Variants in NCKAP5 observed in about 807,000 individuals in gnomAD.
NCKAP5 encodes nck-associated protein 5.
Under a neutral mutation model 167.0 loss-of-function variants are expected in NCKAP5, and 92 were observed. The ratio of observed to expected loss-of-function variants is 0.55; its 90% CI spans 0.47 to 0.66. NCKAP5 has a LOEUF of 0.66. Ranked by LOEUF, NCKAP5 falls within the 30% of genes least tolerant of loss-of-function variation. The pLI is 0.00. For synonymous variants in NCKAP5, 891 were observed against 877.4 expected, an observed-to-expected ratio of 1.02 and a Z score of -0.27; for missense variants, 2,378 against 2,315.0, an observed-to-expected ratio of 1.03 and a Z score of -0.56.
At chr2:133,266,762 C>T (rs1331773946) in intron 4 of NCKAP5, among the ~76,000 whole-genome samples, 3 of 152,214 alleles carry the variant, frequency 2.0e-5, no homozygotes, top group Non-Finnish European at 4.4e-5. Flanking sequence ...CTGCCAGTGT[C>T]CCCGAGCCCT....
the NCKAP5 span, among the ~76,000 whole-genome samples, chr2:133,654,686 T>C: frequency 3.9e-5 from 6 of 152,198 alleles, no homozygotes; most frequent in Admixed American, 2.0e-4. Context: ...CCTCGCACAA[T>C]ACCAGCCACG....
At chr2:133,632,974 G>T in the NCKAP5 span, among the ~76,000 whole-genome samples, 4 of 152,168 alleles carry the variant, frequency 2.6e-5, no homozygotes, top group Non-Finnish European at 4.4e-5. Flanking sequence ...TGGACACACC[G>T]GTAGCTTGGC....
At chr2:133,413,354 C>T (rs1688895316) in intron 3 of NCKAP5, among the ~76,000 whole-genome samples, 1 of 152,202 alleles carries the variant, frequency 6.6e-6, no homozygotes, top group African/African-American at 2.4e-5. Context: ...GTAATGCACA[C>T]AGATTGCAAA....
chr2:133,647,745 G>GAAGGAAGGAAGGAAGGAAGGAAGA, the NCKAP5 span, among the ~76,000 whole-genome samples: 1 of 142,616 alleles, frequency 7.0e-6, no homozygotes, highest in East Asian at 2.1e-4. Flanking sequence ...AGGAAGGAAG[G>GAAGGAAGGAAGGAAGGAAGGAAGA]AAGGAAAGAA....
At chr2:132,856,886 G>A (rs1689514174) in intron 11 of NCKAP5, among the ~76,000 whole-genome samples, 1 of 152,136 alleles carries the variant, frequency 6.6e-6, no homozygotes, top group African/African-American at 2.4e-5. Context: ...GGCGAAAGGG[G>A]GGACTTAATT....
the NCKAP5 span, among the ~76,000 whole-genome samples, chr2:133,616,424 A>G: frequency 1.4e-4 from 22 of 152,262 alleles, no homozygotes; most frequent in Admixed American, 7.8e-4. Flanking sequence ...TAAAGAAAAA[A>G]AGAGAGAAGA....
chr2:133,114,608 A>G lies in NCKAP5; in HGVS notation c.341+15370T>C, dbSNP rs759472369. 5.9e-5 allele frequency among the ~76,000 whole-genome samples: 9 copies of G among 152,310 alleles called. No individual in the cohort carries two copies. The South Asian group carries it at 6.2e-4, about 11-fold the overall frequency. On this transcript the variant is annotated intron_variant, in intron 6 of 19. Transcript: ENST00000409261. ...GTTTTCTTTTTTGCAGTATTTTCAA[A>G]TCAGGATCCAAATAGGGTTCACCCA...
At chr2:133,402,263 G>GA (rs1335331576) in intron 3 of NCKAP5, among the ~76,000 whole-genome samples, 1 of 152,090 alleles carries the variant, frequency 6.6e-6, no homozygotes. Flanking sequence ...CACAGATCCA[G>GA]AAAAACCCTA....
intron 3 of NCKAP5, among the ~76,000 whole-genome samples, chr2:133,417,871 A>G (rs1292522185): frequency 6.6e-6 from 1 of 152,206 alleles, no homozygotes; most frequent in Non-Finnish European, 1.5e-5. Context: ...GGCGTAGGAG[A>G]AAATGAATGT....
At chr2:133,361,712 T>C (rs1196393946) in intron 3 of NCKAP5, among the ~76,000 whole-genome samples, 1 of 152,202 alleles carries the variant, frequency 6.6e-6, no homozygotes, top group Admixed American at 6.5e-5. Flanking sequence ...GAAAGACAAT[T>C]GGGTTGTCAT....
chr2:133,336,467 T>C (rs1683213936), intron 3 of NCKAP5, among the ~76,000 whole-genome samples: 1 of 152,168 alleles, frequency 6.6e-6, no homozygotes, highest in South Asian at 2.1e-4. Flanking sequence ...TTTTGCCCTT[T>C]GGCACAAATG....
intron 15 of NCKAP5, among the ~76,000 whole-genome samples, 155 bp from the exon 16 acceptor site, chr2:132,774,049 T>C (rs1482040918): frequency 1.3e-5 from 2 of 152,238 alleles, no homozygotes; most frequent in African/African-American, 2.4e-5. Flanking sequence ...TGTATACATA[T>C]AAAATACATT....
chr2:133,541,682 C>CA (rs772408994), intron 2 of NCKAP5, among the ~76,000 whole-genome samples: 1,776 of 138,210 alleles, frequency 0.013, 13 homozygotes, highest in Non-Finnish European at 0.019. Context: ...AAATGTTTGC[C>CA]AAAAAAAAAA....
At chr2:133,401,640 C>T (rs1209547122) in intron 3 of NCKAP5, among the ~76,000 whole-genome samples, 1 of 152,068 alleles carries the variant, frequency 6.6e-6, no homozygotes, top group Non-Finnish European at 1.5e-5. Context: ...TAGGTAGAAA[C>T]CAATCATCAT....
Position 132,711,072 on chromosome 2 carries a change from G to C in NCKAP5, c.5713+14555C>G, listed in dbSNP as rs1035659462. 3.3e-5 allele frequency among the ~76,000 whole-genome samples: 5 copies of C among 152,218 alleles called. No individual in the cohort carries two copies. In the South Asian group the frequency reaches 8.3e-4, roughly 25 times the overall value. On this transcript the variant is annotated intron_variant, in intron 19 of 19. Coordinates refer to ENST00000409261, the MANE Select transcript of NCKAP5 (RefSeq NM_207363.3). ...GTGCCGGGCACTGTTCTAGGCACTA[G>C]TGACATAAGCATGAGCAAAAACACT... is the stretch of plus-strand genomic sequence containing the variant.
At chr2:133,138,806 G>A (rs2082892134) in intron 5 of NCKAP5, among the ~76,000 whole-genome samples, 1 of 152,160 alleles carries the variant, frequency 6.6e-6, no homozygotes, top group South Asian at 2.1e-4. Context: ...GTTCCTCAAT[G>A]TGTTCAATTC....
At chr2:132,878,110 C>T (rs185335774) in intron 9 of NCKAP5, among the ~76,000 whole-genome samples, 21 of 152,226 alleles carry the variant, frequency 1.4e-4, no homozygotes, top group East Asian at 5.8e-4. Context: ...AGACAGGATG[C>T]GTCGGTGATT....
chr2:133,470,247 C>T lies in NCKAP5; in HGVS notation c.69+47211G>A, dbSNP rs1426254994. Among the ~76,000 whole-genome samples the T allele has an allele frequency of 1.1e-4, 16 of 152,138 alleles. 1 individual carries two copies. The highest frequency in any genetic ancestry group is 7.7e-4 in the East Asian group (4 of 5,166). On this transcript the variant is annotated intron_variant, in intron 3 of 19. Coordinates refer to ENST00000409261, the MANE Select transcript of NCKAP5 (RefSeq NM_207363.3). Reference sequence around the variant, plus strand: ...TTCTAACAGACAGGACCCTCAGCTGCAGGTCTGTTGGAATACCCTGCCGTG... The same window carrying T: ...TTCTAACAGACAGGACCCTCAGCTGTAGGTCTGTTGGAATACCCTGCCGTG...
intron 6 of NCKAP5, among the ~76,000 whole-genome samples, chr2:133,042,076 G>T (rs1010815276): frequency 3.3e-5 from 5 of 152,012 alleles, no homozygotes; most frequent in African/African-American, 4.8e-5. Flanking sequence ...ATCATCTGAG[G>T]ATTAAATATC....
Sources: gnomAD v4.1 joint callset for allele counts (sites outside exome capture counted in the v4.1 genomes callset) on GRCh38, gnomAD v4.1.1 for gene constraint, MANE v1.5 for transcripts, NCBI Gene and HGNC (gene_info 2026-07-23, HGNC 2026-07-21) for gene names.